Variants in CLK4 observed in about 807,000 individuals in gnomAD.
CLK4 encodes the protein dual specificity protein kinase CLK4.
CLK4 carries 37 observed loss-of-function variants against 64.4 expected under a neutral mutation model. That is an observed-to-expected ratio of 0.57 (90% CI 0.44 to 0.76). The LOEUF is 0.76. Among genes scored for constraint, CLK4 ranks in the 30% least tolerant of loss-of-function variants. The pLI is 0.00. For missense variants in CLK4, 457 were observed against 605.1 expected, an observed-to-expected ratio of 0.76 and a Z score of 2.57; for synonymous variants, 175 against 191.6, an observed-to-expected ratio of 0.91 and a Z score of 0.72.
intron 2 of CLK4, among the ~76,000 whole-genome samples, chr5:178,619,307 A>G (rs917712317): frequency 1.3e-5 from 2 of 152,256 alleles, no homozygotes; most frequent in Admixed American, 6.5e-5. Flanking sequence ...CCAAGGTTGT[A>G]TAACAACATT....
chr5:178,604,200 C>A, intron 11 of CLK4: 1 of 237,448 alleles, frequency 4.2e-6, no homozygotes. Flanking sequence ...CCCCTGGATC[C>A]AGTCCTAAAA....
chr5:178,612,959 G>A (rs539471272), intron 7 of CLK4, 69 bp from the exon 8 acceptor site: 8 of 774,628 alleles, frequency 1.0e-5, no homozygotes, highest in South Asian at 9.9e-5. Flanking sequence ...GGGAAAGGAG[G>A]ACTGGCAAAG....
chr5:178,616,781 G>A (rs1393463834), intron 5 of CLK4, 101 bp downstream of exon 5: 1 of 876,096 alleles, frequency 1.1e-6, no homozygotes. Context: ...GGGCAACAGA[G>A]GCCCTATCTC....
At chr5:178,614,245 A>G (rs1460768307) in intron 5 of CLK4, among the ~76,000 whole-genome samples, 1 of 152,252 alleles carries the variant, frequency 6.6e-6, no homozygotes, top group Non-Finnish European at 1.5e-5. Flanking sequence ...GTGTGTCCCT[A>G]CGTACTTCAA....
chr5:178,609,768 G>A (rs1764530168), intron 9 of CLK4, among the ~76,000 whole-genome samples: 1 of 149,398 alleles, frequency 6.7e-6, no homozygotes, highest in Non-Finnish European at 1.5e-5. Flanking sequence ...AATTAGTTGG[G>A]TGTGGTGGTG....
At chr5:178,625,256 G>T (rs1764762497) in intron 1 of CLK4, among the ~76,000 whole-genome samples, 1 of 151,988 alleles carries the variant, frequency 6.6e-6, no homozygotes, top group African/African-American at 2.4e-5. Flanking sequence ...GGGCAACACG[G>T]CGAAACCCTG....
chr5:178,611,941 T>A (rs553494016), intron 9 of CLK4, among the ~76,000 whole-genome samples: 1 of 152,268 alleles, frequency 6.6e-6, no homozygotes, highest in East Asian at 1.9e-4. Flanking sequence ...ACTCTGCACC[T>A]TAACTCATTT....
chr5:178,626,427 T>C (rs1764780636), intron 1 of CLK4, among the ~76,000 whole-genome samples: 2 of 152,196 alleles, frequency 1.3e-5, no homozygotes, highest in African/African-American at 4.8e-5. Context: ...CCACCTGGAT[T>C]TGCACGGACG....
At chr5:178,611,229 C>T (rs1764552499) in intron 9 of CLK4, among the ~76,000 whole-genome samples, 1 of 152,064 alleles carries the variant, frequency 6.6e-6, no homozygotes, top group African/African-American at 2.4e-5. Context: ...AATCTATTGC[C>T]TTCTAATCTC....
intron 2 of CLK4, chr5:178,620,303 T>A: frequency 4.2e-6 from 1 of 239,800 alleles, no homozygotes; most frequent in Non-Finnish European, 8.5e-6. Flanking sequence ...AGGGCATCCT[T>A]CCCATAAAAG....
In CLK4 at chr5:178,623,346, C is replaced by T. The variant is rs139155001; in HGVS notation, c.71G>A (p.Arg24His). The T allele has an allele frequency of 6.8e-5, 109 of 1,614,078 alleles. No individual in the cohort carries two copies. In the African/African-American group the frequency reaches 1.1e-3, roughly 16 times the overall value. ...SRESWGHESY[R>H]GSHKRKRRSH... ...TCTCCTCTTCCGCTTGTGACTTCCA[C>T]GATAGCTTTCATGTCCCCAGCTTTC... Residue 24 changes from arginine to histidine, a missense_variant, in exon 2 of 13, where the codon CGT becomes CAT. Transcript: ENST00000316308.
chr5:178,604,298 C>G (rs1045154427), intron 11 of CLK4: 1 of 163,004 alleles, frequency 6.1e-6, no homozygotes, highest in Non-Finnish European at 1.3e-5. Flanking sequence ...TTTGGAAATA[C>G]CACCTTGTCT....
chr5:178,622,175 G>C (rs1764716266), intron 2 of CLK4: 1 of 152,222 alleles, frequency 6.6e-6, no homozygotes, highest in Non-Finnish European at 1.5e-5. Context: ...TTAAGCCTTA[G>C]GGTTTTTTGT....
intron 2 of CLK4, chr5:178,620,796 C>A: frequency 3.8e-6 from 1 of 260,432 alleles, no homozygotes; most frequent in Non-Finnish European, 8.0e-6. Context: ...TAAAAGGTTA[C>A]AACACATGAG....
chr5:178,612,668 G>C (rs1045464835), intron 8 of CLK4, 123 bp from the exon 9 acceptor site: 1 of 1,172,012 alleles, frequency 8.5e-7, no homozygotes, highest in Non-Finnish European at 1.2e-6. Flanking sequence ...AGGCAAAGAA[G>C]GATTACTTCT....
At chr5:178,610,012 C>T (rs1356129337) in intron 9 of CLK4, among the ~76,000 whole-genome samples, 1 of 152,002 alleles carries the variant, frequency 6.6e-6, no homozygotes, top group Non-Finnish European at 1.5e-5. Context: ...ATTTTTCAAC[C>T]AGGCACGGTG....
intron 10 of CLK4, chr5:178,605,891 T>TTTAGGCTTGGCTCGTCATGAG (rs1205107538): frequency 6.6e-6 from 1 of 152,322 alleles, no homozygotes; most frequent in East Asian, 1.9e-4. Flanking sequence ...TAGTAAATAT[T>TTTAGGCTTGGCTCGTCATGAG]TTAGGCTTGG....
intron 1 of CLK4, among the ~76,000 whole-genome samples, chr5:178,625,554 C>G (rs920700422): frequency 3.3e-5 from 5 of 152,038 alleles, no homozygotes; most frequent in Admixed American, 1.3e-4. Context: ...TAAATCATAG[C>G]AAGCAAAATC....
At chr5:178,609,620 T>C (rs1023327994) in intron 9 of CLK4, among the ~76,000 whole-genome samples, 1 of 151,590 alleles carries the variant, frequency 6.6e-6, no homozygotes, top group East Asian at 1.9e-4. Context: ...AAGGCAGAGG[T>C]TGCAGTAAGC....
Sources: gnomAD v4.1 joint callset for allele counts (sites outside exome capture counted in the v4.1 genomes callset) on GRCh38, gnomAD v4.1.1 for gene constraint, MANE v1.5 for transcripts, NCBI Gene and HGNC (gene_info 2026-07-23, HGNC 2026-07-21) for gene names.